Variants in GPC5 observed in about 807,000 individuals in gnomAD.
GPC5 encodes the protein glypican 5, also known as glypican-5.
Under a neutral mutation model 53.9 loss-of-function variants are expected in GPC5, and 47 were observed. The observed-to-expected ratio is 0.87, with a 90% CI of 0.69 to 1.11. GPC5 has a LOEUF of 1.11. Ranked by LOEUF, GPC5 falls within the 50% of genes most tolerant of loss-of-function variation. The pLI, the probability that GPC5 is intolerant of heterozygous loss-of-function variation, is 0.00. For synonymous variants in GPC5, 286 were observed against 263.3 expected, an observed-to-expected ratio of 1.09 and a Z score of -0.84; for missense variants, 748 against 713.1, an observed-to-expected ratio of 1.05 and a Z score of -0.56.
intron 7 of GPC5, among the ~76,000 whole-genome samples, chr13:92,803,550 CT>C (rs1222037949): frequency 6.6e-5 from 10 of 152,006 alleles, no homozygotes; most frequent in African/African-American, 2.4e-4. Context: ...ATCTCTTGCT[CT>C]AGTCTCCTCG....
chr13:92,380,622 A>G (rs1214411475), intron 7 of GPC5, among the ~76,000 whole-genome samples: 2 of 152,040 alleles, frequency 1.3e-5, no homozygotes, highest in South Asian at 2.1e-4. Flanking sequence ...TGATGAGTTC[A>G]TGTCCTTTGT....
chr13:92,748,544 A>T (rs1889299882), intron 7 of GPC5, among the ~76,000 whole-genome samples: 1 of 151,616 alleles, frequency 6.6e-6, no homozygotes, highest in East Asian at 1.9e-4. Flanking sequence ...GCTGGTCTTG[A>T]ACTCCTGACC....
intron 7 of GPC5, among the ~76,000 whole-genome samples, chr13:92,576,442 A>G (rs1883191874): frequency 6.6e-6 from 1 of 152,192 alleles, no homozygotes; most frequent in African/African-American, 2.4e-5. Flanking sequence ...CACTGCAATA[A>G]GTTCCCTGTA....
At chr13:91,805,617 G>C (rs2038207854) in intron 5 of GPC5, among the ~76,000 whole-genome samples, 1 of 152,142 alleles carries the variant, frequency 6.6e-6, no homozygotes, top group African/African-American at 2.4e-5. Context: ...TTAAAGTGCT[G>C]CTAAAATGAA....
At chr13:92,534,639 T>C (rs1881666040) in intron 7 of GPC5, among the ~76,000 whole-genome samples, 1 of 152,184 alleles carries the variant, frequency 6.6e-6, no homozygotes, top group Non-Finnish European at 1.5e-5. Flanking sequence ...TAGCTTTTAC[T>C]GAGTATTTCA....
intron 6 of GPC5, among the ~76,000 whole-genome samples, chr13:91,911,556 A>AAAT (rs2039610852): frequency 6.6e-6 from 1 of 152,104 alleles, no homozygotes; most frequent in African/African-American, 2.4e-5. Flanking sequence ...ATAAATAAAT[A>AAAT]AATAATCACA....
At chr13:92,741,587 T>C (rs1159530223) in intron 7 of GPC5, among the ~76,000 whole-genome samples, 1 of 152,014 alleles carries the variant, frequency 6.6e-6, no homozygotes. Context: ...AGCTAAAATA[T>C]TTTTTGTTTT....
intron 5 of GPC5, among the ~76,000 whole-genome samples, chr13:91,837,836 G>T (rs1179509887): frequency 6.6e-6 from 1 of 152,112 alleles, no homozygotes; most frequent in East Asian, 1.9e-4. Flanking sequence ...TCTCAAGAGA[G>T]AAATGAGAGG....
At chr13:92,359,761 A>C (rs1186722748) in intron 7 of GPC5, among the ~76,000 whole-genome samples, 1 of 151,490 alleles carries the variant, frequency 6.6e-6, no homozygotes, top group Non-Finnish European at 1.5e-5. Flanking sequence ...AAACAATCAG[A>C]TATTGTGAGA....
intron 6 of GPC5, among the ~76,000 whole-genome samples, chr13:91,983,215 G>A (rs956873108): frequency 1.3e-5 from 2 of 152,034 alleles, no homozygotes; most frequent in Non-Finnish European, 2.9e-5. Context: ...GCGTACTGGC[G>A]GGCGCCTGTA....
intron 6 of GPC5, among the ~76,000 whole-genome samples, chr13:91,925,015 T>G (rs1594667247): frequency 6.6e-6 from 1 of 152,070 alleles, no homozygotes; most frequent in African/African-American, 2.4e-5. Context: ...AAGACGAGGT[T>G]TCACCGTGTT....
chr13:92,251,585 T>G (rs1476523569), intron 7 of GPC5, among the ~76,000 whole-genome samples: 2 of 152,076 alleles, frequency 1.3e-5, no homozygotes, highest in Non-Finnish European at 2.9e-5. Flanking sequence ...CTAACTTCTT[T>G]GAGCTTCAGT....
chr13:92,643,423 C>T (rs1237852140), intron 7 of GPC5, among the ~76,000 whole-genome samples: 36 of 150,214 alleles, frequency 2.4e-4, no homozygotes, highest in Admixed American at 1.8e-3. Context: ...AAGACACATG[C>T]ACACGTATGT....
At chr13:92,740,898 A>ATT (rs1318705054) in intron 7 of GPC5, among the ~76,000 whole-genome samples, 2 of 16,346 alleles carry the variant, frequency 1.2e-4, no homozygotes, top group Non-Finnish European at 2.4e-4. Flanking sequence ...TTATTTATTT[A>ATT]TATATATATA....
At chr13:92,700,790 G>C (rs1460777694) in intron 7 of GPC5, among the ~76,000 whole-genome samples, 1 of 152,012 alleles carries the variant, frequency 6.6e-6, no homozygotes, top group Admixed American at 6.6e-5. Context: ...CCTCATGATA[G>C]AAAATGAGGA....
chr13:92,328,159 G>A (rs929749535), intron 7 of GPC5, among the ~76,000 whole-genome samples: 3 of 152,112 alleles, frequency 2.0e-5, no homozygotes, highest in Admixed American at 6.6e-5. Context: ...TTTTCACTTT[G>A]TACTTCTAGA....
chr13:92,320,478 A>T (rs1479650928), intron 7 of GPC5, among the ~76,000 whole-genome samples: 1 of 152,132 alleles, frequency 6.6e-6, no homozygotes, highest in African/African-American at 2.4e-5. Flanking sequence ...AATCAATGTT[A>T]TGTCATTTTG....
intron 5 of GPC5, among the ~76,000 whole-genome samples, chr13:91,865,845 A>T (rs577034998): frequency 3.9e-5 from 6 of 152,026 alleles, no homozygotes; most frequent in Admixed American, 1.3e-4. Flanking sequence ...TGTCACATCA[A>T]TTTGACTGCC....
intron 5 of GPC5, among the ~76,000 whole-genome samples, chr13:91,897,026 C>T (rs2039449195): frequency 2.6e-5 from 1 of 37,836 alleles, no homozygotes; most frequent in Non-Finnish European, 4.7e-5. Context: ...TCCTCTTCTT[C>T]TTCCTCCTCC....
Sources: gnomAD v4.1 joint callset for allele counts (sites outside exome capture counted in the v4.1 genomes callset) on GRCh38, gnomAD v4.1.1 for gene constraint, MANE v1.5 for transcripts, NCBI Gene and HGNC (gene_info 2026-07-23, HGNC 2026-07-21) for gene names.